Variants in HCN1 observed in about 807,000 individuals in gnomAD.
The protein encoded by HCN1 is hyperpolarization activated cyclic nucleotide gated potassium channel 1.
In HCN1, 13 loss-of-function variants were observed where a neutral mutation model predicts 78.9. The observed-to-expected ratio is 0.16, with a 90% CI of 0.11 to 0.26. The LOEUF is 0.26. Ranked by LOEUF, HCN1 falls within the 10% of genes least tolerant of loss-of-function variation. The pLI is 1.00. For synonymous variants in HCN1, 552 were observed against 455.5 expected, an observed-to-expected ratio of 1.21 and a Z score of -2.70; for missense variants, 810 against 1,154.3, an observed-to-expected ratio of 0.70 and a Z score of 4.32.
chr5:45,489,996 A>C (rs1741850295), intron 2 of HCN1, among the ~76,000 whole-genome samples: 1 of 152,182 alleles, frequency 6.6e-6, no homozygotes, highest in Non-Finnish European at 1.5e-5. Context: ...CTCAAATTTT[A>C]CTGGGCATTC....
intron 3 of HCN1, among the ~76,000 whole-genome samples, chr5:45,441,352 TGAAGGAGGGAGGGAAGCAAA>T (rs1740675409): frequency 7.7e-6 from 1 of 130,348 alleles, no homozygotes; most frequent in Non-Finnish European, 1.6e-5. Flanking sequence ...AAGGAAGAAA[TGAAGGAGGGAGGGAAGCAAA>T]GAAGGAGCGA....
chr5:45,439,379 A>G (rs1740625649), intron 3 of HCN1, among the ~76,000 whole-genome samples: 1 of 152,130 alleles, frequency 6.6e-6, no homozygotes, highest in African/African-American at 2.4e-5. Flanking sequence ...AAATAATATT[A>G]TTGGGGATAT....
At chr5:45,443,782 A>C (rs1740730369) in intron 3 of HCN1, among the ~76,000 whole-genome samples, 1 of 152,122 alleles carries the variant, frequency 6.6e-6, no homozygotes, top group Non-Finnish European at 1.5e-5. Flanking sequence ...ACAAATAGTT[A>C]ATTTAATCTA....
At chr5:45,457,729 T>G (rs1461435783) in intron 3 of HCN1, among the ~76,000 whole-genome samples, 2 of 152,162 alleles carry the variant, frequency 1.3e-5, no homozygotes, top group Non-Finnish European at 2.9e-5. Flanking sequence ...GCCTTTCGGC[T>G]GTCCCCTACC....
At chr5:45,439,116 T>G (rs987448850) in intron 3 of HCN1, among the ~76,000 whole-genome samples, 1 of 152,152 alleles carries the variant, frequency 6.6e-6, no homozygotes, top group Non-Finnish European at 1.5e-5. Flanking sequence ...TGATTATATT[T>G]TTAATAAGCA....
intron 2 of HCN1, among the ~76,000 whole-genome samples, chr5:45,583,613 A>ATGT (rs1561209759): frequency 6.6e-6 from 1 of 151,800 alleles, no homozygotes; most frequent in Non-Finnish European, 1.5e-5. Context: ...TTTAATTGTG[A>ATGT]TGTTAGGGTG....
chr5:45,595,246 T>G (rs1316601128), intron 2 of HCN1, among the ~76,000 whole-genome samples: 1 of 152,206 alleles, frequency 6.6e-6, no homozygotes, highest in Non-Finnish European at 1.5e-5. Context: ...GGGCTGTGTT[T>G]CCCAGCTGGG....
At chr5:45,289,923 G>C (rs1385739414) in intron 6 of HCN1, among the ~76,000 whole-genome samples, 1 of 151,920 alleles carries the variant, frequency 6.6e-6, no homozygotes, top group African/African-American at 2.4e-5. Flanking sequence ...AAAGAAGCTG[G>C]CTGGTTCTCT....
At chr5:45,519,820 T>A (rs1235558468) in intron 2 of HCN1, among the ~76,000 whole-genome samples, 1 of 151,874 alleles carries the variant, frequency 6.6e-6, no homozygotes, top group Non-Finnish European at 1.5e-5. Flanking sequence ...TTTTTTTTTT[T>A]ACCATTTTAG....
intron 5 of HCN1, among the ~76,000 whole-genome samples, chr5:45,344,315 G>A (rs568490548): frequency 6.6e-6 from 1 of 152,056 alleles, no homozygotes; most frequent in Non-Finnish European, 1.5e-5. Flanking sequence ...ATGAGATTTG[G>A]GTGGGAACAG....
intron 5 of HCN1, among the ~76,000 whole-genome samples, chr5:45,324,998 T>C (rs1276423058): frequency 6.6e-6 from 1 of 151,728 alleles, no homozygotes; most frequent in African/African-American, 2.4e-5. Flanking sequence ...ACACAGAACT[T>C]GGTGCATAGA....
At chr5:45,546,545 C>T (rs143259381) in intron 2 of HCN1, among the ~76,000 whole-genome samples, 2,190 of 151,860 alleles carry the variant, frequency 0.014, 26 homozygotes, top group Middle Eastern at 0.054. Flanking sequence ...ACTGATGATT[C>T]CCTAAGTGAT....
Position 45,359,412 on chromosome 5 carries a change from A to AT in HCN1, c.1231-6167_1231-6166insA, listed in dbSNP as rs1343363425. On this transcript the variant is annotated intron_variant, in intron 4 of 7. Transcript: ENST00000303230. ...TTACTTTCAGGAAGCATCAAAAAAA[A>AT]AAAAATATATATATATATATATCAC... Among the ~76,000 whole-genome samples the AT allele has an allele frequency of 4.8e-5, 7 of 146,712 alleles. No homozygotes were observed. The East Asian group carries it at 7.9e-4, about 16-fold the overall frequency.
At chr5:45,499,640 A>G (rs1386593010) in intron 2 of HCN1, among the ~76,000 whole-genome samples, 2 of 152,214 alleles carry the variant, frequency 1.3e-5, no homozygotes, top group Non-Finnish European at 2.9e-5. Context: ...ATATATTACT[A>G]GCACAGAGCA....
chr5:45,373,548 A>G (rs1034550482), intron 4 of HCN1, among the ~76,000 whole-genome samples: 5 of 142,050 alleles, frequency 3.5e-5, no homozygotes, highest in Non-Finnish European at 6.1e-5. Context: ...TAGGTCATCT[A>G]TAATATATAT....
rs181809424 is a variant in HCN1 at position 45,638,630 on chromosome 5, C to A, written c.849+6555G>T. ...TTTTTAGTTGTCTTGGGGCTGGGCG[C>A]AGAGGCTCATGCCTGTAATCCCACC... On this transcript the variant is annotated intron_variant, in intron 2 of 7. Transcript: ENST00000303230. Among the ~76,000 whole-genome samples the A allele has an allele frequency of 2.0e-5, 3 of 152,296 alleles. No individual in the cohort carries two copies. The East Asian group carries it at 5.8e-4, about 29-fold the overall frequency.
At chr5:45,494,975 C>T (rs1244622318) in intron 2 of HCN1, among the ~76,000 whole-genome samples, 2 of 139,326 alleles carry the variant, frequency 1.4e-5, no homozygotes, top group Non-Finnish European at 3.1e-5. Context: ...GTTTTGGTAC[C>T]AGTACCATGC....
chr5:45,634,700 A>T (rs1024364320), intron 2 of HCN1, among the ~76,000 whole-genome samples: 1 of 152,028 alleles, frequency 6.6e-6, no homozygotes, highest in African/African-American at 2.4e-5. Flanking sequence ...GAGAAGAAAG[A>T]GGAGTGATCT....
intron 2 of HCN1, chr5:45,644,153 T>A (rs186227928): frequency 1.3e-5 from 2 of 152,268 alleles, no homozygotes; most frequent in East Asian, 3.9e-4. Context: ...TTTTATGACA[T>A]ATTTAAAAAC....
Sources: allele counts gnomAD v4.1 joint callset (sites outside exome capture counted in the v4.1 genomes callset), GRCh38; gene constraint gnomAD v4.1.1; transcripts MANE v1.5; gene names NCBI Gene and HGNC (gene_info 2026-07-23, HGNC 2026-07-21).